Variants in MSI2 observed in about 807,000 individuals in gnomAD.
MSI2 encodes the protein RNA-binding protein Musashi homolog 2.
A neutral mutation model predicts 45.6 loss-of-function variants in MSI2; 17 were observed. The ratio of observed to expected loss-of-function variants is 0.37; its 90% CI spans 0.26 to 0.56. The LOEUF is 0.56. Ranked by LOEUF, MSI2 falls within the 20% of genes least tolerant of loss-of-function variation. The pLI, the probability that MSI2 is intolerant of heterozygous loss-of-function variation, is 0.77. For missense variants in MSI2, 293 were observed against 444.2 expected, an observed-to-expected ratio of 0.66 and a Z score of 3.06; for synonymous variants, 156 against 158.2, an observed-to-expected ratio of 0.99 and a Z score of 0.11.
At chr17:57,426,062 T>C (rs1300336185) in intron 6 of MSI2, among the ~76,000 whole-genome samples, 2 of 152,212 alleles carry the variant, frequency 1.3e-5, no homozygotes, top group East Asian at 3.8e-4. Flanking sequence ...ATCCATGAAG[T>C]TGTAAATGGT....
intron 5 of MSI2, among the ~76,000 whole-genome samples, chr17:57,341,585 C>T (rs758982599): frequency 1.3e-5 from 2 of 152,246 alleles, no homozygotes; most frequent in Non-Finnish European, 2.9e-5. Context: ...CTCCCTGGTA[C>T]ATTGTGCTGA....
At chr17:57,692,783 C>A in the MSI2 span, among the ~76,000 whole-genome samples, 1 of 151,838 alleles carries the variant, frequency 6.6e-6, no homozygotes, top group African/African-American at 2.4e-5. Context: ...TTCTGGCTTG[C>A]ATAATTTTGA....
In MSI2 at chr17:57,430,952, T is replaced by G. The variant is rs373838328; in HGVS notation, c.405+29481T>G. ...CTGAATTTGGCACTGGTTATGATTT[T>G]AGGAGCACGGAGAAGACTCCTCCAA... On this transcript the variant is annotated intron_variant, in intron 6 of 13. Transcript: ENST00000284073. Among the ~76,000 whole-genome samples, 6 of 152,378 alleles carry G rather than the reference T, an allele frequency of 3.9e-5. No homozygotes were observed. In the East Asian group the frequency reaches 9.6e-4, roughly 24 times the overall value.
chr17:57,568,639 T>TTTCCTGATAGAGGCCTTC (rs1250066070), intron 7 of MSI2, among the ~76,000 whole-genome samples: 1 of 152,230 alleles, frequency 6.6e-6, no homozygotes, highest in Non-Finnish European at 1.5e-5. Context: ...ATTGATTCTT[T>TTTCCTGATAGAGGCCTTC]TTCCTGATAG....
rs180705300 is a variant in MSI2 at position 57,665,882 on chromosome 17, G to A, written c.791-9090G>A. Among the ~76,000 whole-genome samples, 20 of 152,314 alleles carry A rather than the reference G, an allele frequency of 1.3e-4. No individual in the cohort carries two copies. In the East Asian group the frequency reaches 3.9e-3, roughly 29 times the overall value. ...CTCTGCTTCCACGCTGACCCCACCA[G>A]TACTGCAAGTCTGCTTATTCTTTGG... On this transcript the variant is annotated intron_variant, in intron 11 of 13. Transcript: ENST00000284073.
At chr17:57,644,557 G>A (rs539478761) in intron 10 of MSI2, among the ~76,000 whole-genome samples, 7 of 152,184 alleles carry the variant, frequency 4.6e-5, no homozygotes, top group Admixed American at 1.3e-4. Flanking sequence ...CCAAACTCTC[G>A]TAGGACATGT....
At chr17:57,537,669 A>G (rs2144106386) in intron 7 of MSI2, among the ~76,000 whole-genome samples, 1 of 152,322 alleles carries the variant, frequency 6.6e-6, no homozygotes, top group South Asian at 2.1e-4. Context: ...AGTTAACTCA[A>G]TTCCGGAAGC....
chr17:57,477,145 GGTGTGTGTGTGTGTGTGTGTGTGTGTGT>G (rs59127306), intron 6 of MSI2, among the ~76,000 whole-genome samples: 8 of 118,656 alleles, frequency 6.7e-5, no homozygotes, highest in Admixed American at 1.7e-4. Context: ...CATAAGGCCT[GGTGTGTGTGTGTGTGTGTGTGTGTGTGT>G]GTGTGTGTGT....
intron 7 of MSI2, among the ~76,000 whole-genome samples, chr17:57,578,587 G>T (rs1340155347): frequency 6.6e-6 from 1 of 152,058 alleles, no homozygotes; most frequent in Non-Finnish European, 1.5e-5. Context: ...GAGAAGGATG[G>T]TCTCACCAAG....
intron 7 of MSI2, among the ~76,000 whole-genome samples, chr17:57,595,047 C>G (rs1478141190): frequency 6.6e-6 from 1 of 152,042 alleles, no homozygotes; most frequent in Non-Finnish European, 1.5e-5. Flanking sequence ...ATTCTCATAC[C>G]GAAGAATCTG....
intron 5 of MSI2, among the ~76,000 whole-genome samples, chr17:57,296,846 C>A (rs1911001718): frequency 6.6e-6 from 1 of 152,154 alleles, no homozygotes; most frequent in African/African-American, 2.4e-5. Context: ...TGCATTTCTT[C>A]TGTCATTCAA....
At position 57,307,724 on chromosome 17, in the gene MSI2, C is replaced by A. The variant is rs191664572; in HGVS notation, c.312+45532C>A. Among the ~76,000 whole-genome samples the A allele has an allele frequency of 2.4e-3, 358 of 150,324 alleles. 8 individuals carry two copies. Among genetic ancestry groups the A allele is most frequent in the Admixed American group, 0.022 (333 of 15,144 alleles). On this transcript the variant is annotated intron_variant, in intron 5 of 13. Coordinates refer to ENST00000284073, the MANE Select transcript of MSI2 (RefSeq NM_138962.4). The stretch of plus-strand genomic sequence containing the variant: ...GCCTCCTTGGGATTATAGGCATGAG[C>A]CACCGTGCCTGGCCTGCCCTAGGAT...
intron 6 of MSI2, among the ~76,000 whole-genome samples, chr17:57,454,779 A>G (rs1598289047): frequency 6.6e-6 from 1 of 152,130 alleles, no homozygotes; most frequent in Non-Finnish European, 1.5e-5. Context: ...GTCCTTTGCC[A>G]TGGACTAGAG....
intron 6 of MSI2, among the ~76,000 whole-genome samples, chr17:57,526,286 C>T (rs532811835): frequency 1.3e-5 from 2 of 151,714 alleles, no homozygotes; most frequent in South Asian, 4.2e-4. Flanking sequence ...TTGGGCTCTC[C>T]TAGCATCTTG....
rs1409471953 is a variant in MSI2 at position 57,683,878 on chromosome 17, C to G, written c.*4361C>G. The stretch of plus-strand genomic sequence containing the variant: ...GGCACAGACACTACACAAGGAGACG[C>G]TGGAAGTTAAGCAATACTTTAATAC... On this transcript the variant is annotated 3_prime_UTR_variant, in exon 14 of 14. Transcript: ENST00000284073. The surrounding 1 kb of genome is among the most constrained non-coding windows in gnomAD (Gnocchi z 5.2). 2 of 231,752 alleles carry G rather than the reference C, an allele frequency of 8.6e-6. No homozygotes were observed. Among genetic ancestry groups the G allele is most frequent in the African/African-American group, 4.4e-5 (2 of 45,214 alleles). 14.4% of individuals were successfully genotyped at this position (231,752 alleles called of 1,614,324 possible).
intron 5 of MSI2, among the ~76,000 whole-genome samples, chr17:57,281,303 G>A (rs1479028676): frequency 2.6e-5 from 4 of 152,148 alleles, no homozygotes. Flanking sequence ...TCAGTTCTCA[G>A]CACCTCTACT....
chr17:57,470,400 C>T (rs2085411821), intron 6 of MSI2, among the ~76,000 whole-genome samples: 1 of 152,206 alleles, frequency 6.6e-6, no homozygotes. Flanking sequence ...GCCTCAGCTT[C>T]CCAAGTAGCT....
chr17:57,601,695 G>T (rs567485074), intron 8 of MSI2: 65 of 152,358 alleles, frequency 4.3e-4, no homozygotes, highest in African/African-American at 1.5e-3. Context: ...TGAGAGCGTG[G>T]GTACAGCCTG....
chr17:57,371,520 A>AG (rs1555590678), intron 5 of MSI2, among the ~76,000 whole-genome samples: 17 of 142,706 alleles, frequency 1.2e-4, no homozygotes, highest in African/African-American at 3.7e-4. Flanking sequence ...AAAAAAAAAA[A>AG]GGGCAAAAAA....
Sources: allele counts gnomAD v4.1 joint callset (sites outside exome capture counted in the v4.1 genomes callset), GRCh38; gene constraint gnomAD v4.1.1; non-coding constraint Gnocchi (gnomAD v3.1); transcripts MANE v1.5; gene names NCBI Gene and HGNC (gene_info 2026-07-23, HGNC 2026-07-21).